The following SEC14L5 variants were observed in gnomAD, a reference collection of about 807,000 sequenced individuals.
SEC14L5 encodes SEC14 like lipid binding 5, also known as SEC14-like protein 5.
A neutral mutation model predicts 84.6 loss-of-function variants in SEC14L5; 96 were observed. That is an observed-to-expected ratio of 1.13 (90% CI 0.96 to 1.34). The LOEUF is 1.34. Ranked by LOEUF, SEC14L5 falls within the 40% of genes most tolerant of loss-of-function variation. SEC14L5 has a pLI of 0.00. For missense variants in SEC14L5, 1,224 were observed against 942.5 expected, an observed-to-expected ratio of 1.30 and a Z score of -3.91; for synonymous variants, 546 against 383.4, an observed-to-expected ratio of 1.42 and a Z score of -4.95.
intron 8 of SEC14L5, among the ~76,000 whole-genome samples, chr16:4,997,248 G>C (rs565407684): frequency 6.6e-6 from 1 of 152,228 alleles, no homozygotes; most frequent in African/African-American, 2.4e-5. Context: ...ACAGGCACCC[G>C]CCACCACAGC....
In SEC14L5 at chr16:4,987,624, A is replaced by G; in HGVS notation, c.131A>G (p.Glu44Gly). The G allele has an allele frequency of 6.4e-7, 1 of 1,558,194 alleles. No homozygotes were observed. Among genetic ancestry groups the G allele is most frequent in the Non-Finnish European group, 8.7e-7 (1 of 1,152,188 alleles). ...TTCCTGGGCAGCGAGGTCTTGCGCG[A>G]GTCCCGCAGCCCGGACGGGGCTGTG... ...PVFLGSEVLR[E>G]SRSPDGAVHV... is the part of the protein sequence containing the mutation. The change falls in exon 3 of 16, where the codon GAG becomes GGG. Residue 44 changes from glutamate (E) to glycine (G), a missense_variant. By Grantham distance (98) the Glu-to-Gly change is moderately conservative. Transcript: ENST00000251170.
At chr16:5,011,448 C>A (rs1955802799) in intron 15 of SEC14L5, among the ~76,000 whole-genome samples, 175 bp downstream of exon 15, 1 of 152,190 alleles carries the variant, frequency 6.6e-6, no homozygotes, top group Non-Finnish European at 1.5e-5. Context: ...GTGAGGAGAG[C>A]CCAGCTCTGC....
At chr16:4,992,131 C>G (rs901077371) in intron 6 of SEC14L5, 101 bp downstream of exon 6, 14 of 809,128 alleles carry the variant, frequency 1.7e-5, no homozygotes, top group African/African-American at 3.5e-5. Flanking sequence ...TGCCTGCCGT[C>G]CCCCCTGGGA....
In SEC14L5 at chr16:5,000,844, C is replaced by G; in HGVS notation, c.1060-11C>G. The G allele has an allele frequency of 6.3e-7, 1 of 1,599,088 alleles. No individual in the cohort carries two copies. The highest frequency in any genetic ancestry group is 8.5e-7 in the Non-Finnish European group (1 of 1,172,916). ...AGGCGGACGTTGAGCAGCACTGTCT[C>G]TCCCTTCCAGGTTCTCTCCGTCAAC... On this transcript the variant is annotated splice_polypyrimidine_tract_variant and intron_variant, in intron 9 of 15. Transcript: ENST00000251170.
rs2142521676 is a variant in SEC14L5 at position 5,002,714 on chromosome 16, A to T, written c.1131-688A>T. Among the ~76,000 whole-genome samples, 2 of 152,290 alleles carry T rather than the reference A, an allele frequency of 1.3e-5. 1 individual carries two copies. Among genetic ancestry groups the T allele is most frequent in the South Asian group, 4.1e-4 (2 of 4,820 alleles). On this transcript the variant is annotated intron_variant, in intron 10 of 15. Transcript: ENST00000251170. ...CGGGCACCAGCCGCTGCAGTCAAAC[A>T]GTTATTTTCCTAATGAATGAATACT...
At chr16:4,991,714 C>T (rs1955554773) in intron 5 of SEC14L5, 124 bp from the exon 6 acceptor site, 1 of 562,994 alleles carries the variant, frequency 1.8e-6, no homozygotes. Context: ...ACACATCCAG[C>T]CACTCAATAG....
intron 2 of SEC14L5, among the ~76,000 whole-genome samples, chr16:4,969,558 A>G (rs1455453617): frequency 6.6e-6 from 1 of 152,028 alleles, no homozygotes; most frequent in Non-Finnish European, 1.5e-5. Flanking sequence ...TAAGTTTTGC[A>G]TTTTTAGCAG....
At chr16:4,986,210 G>C (rs1263084183) in intron 2 of SEC14L5, among the ~76,000 whole-genome samples, 3 of 151,346 alleles carry the variant, frequency 2.0e-5, no homozygotes, top group African/African-American at 7.3e-5. Context: ...TGTGATTTCA[G>C]CTCACTGAAA....
At chr16:5,006,294 A>C (rs2302553) in intron 12 of SEC14L5, among the ~76,000 whole-genome samples, 58,851 of 152,156 alleles carry the variant, frequency 0.39, 12,298 homozygotes, top group African/African-American at 0.54. Flanking sequence ...AGTGAGTGAG[A>C]TAGAAGTTTC....
chr16:5,016,067 A>G lies in SEC14L5; in HGVS notation c.*1097A>G, dbSNP rs1027730612. On this transcript the variant is annotated 3_prime_UTR_variant, in exon 16 of 16. Transcript: ENST00000251170. ...CAAAAGCATGATCATTCATGGGTGC[A>G]TAGAACTGGCCAGTCCAGGAGGGCT... 3.3e-5 allele frequency: 5 copies of G among 152,308 alleles called. No homozygotes were observed. The highest frequency in any genetic ancestry group is 1.2e-4 in the African/African-American group (5 of 41,560). 9.4% of individuals were successfully genotyped at this position (152,308 alleles called of 1,614,324 possible). A position where few individuals can be genotyped will look rare whatever the true frequency, so the allele number is the denominator to read the frequency against.
chr16:5,005,757 G>A (rs988974876), intron 11 of SEC14L5, among the ~76,000 whole-genome samples, 157 bp from the exon 12 acceptor site: 3 of 151,314 alleles, frequency 2.0e-5, no homozygotes, highest in African/African-American at 7.3e-5. Flanking sequence ...CCAGCTACTC[G>A]GGAGGCTGAG....
At chr16:5,007,298 GC>G in intron 12 of SEC14L5, 53 bp from the exon 13 acceptor site, 1 of 1,580,970 alleles carries the variant, frequency 6.3e-7, no homozygotes, top group Non-Finnish European at 8.6e-7. Context: ...TGTGGGTCAG[GC>G]CAGCCAGGCC....
intron 2 of SEC14L5, among the ~76,000 whole-genome samples, chr16:4,960,214 C>T (rs1017936921): frequency 2.6e-5 from 4 of 152,198 alleles, no homozygotes; most frequent in African/African-American, 7.2e-5. Flanking sequence ...TGCTCAGTAA[C>T]ATGGGGACAA....
chr16:4,962,768 A>T (rs969166313), intron 2 of SEC14L5, among the ~76,000 whole-genome samples: 1 of 151,772 alleles, frequency 6.6e-6, no homozygotes, highest in Non-Finnish European at 1.5e-5. Context: ...GGACTGCCAC[A>T]ACCCTGTCAT....
rs1191901222 is a variant in SEC14L5 at position 5,000,742 on chromosome 16, A to T, written c.1058A>T (p.His353Leu). ...KAVGEEALLR[H>L]VLSVNEEGQK... is the part of the protein sequence containing the mutation. ...GTGGGGGAGGAGGCGCTGCTGCGGC[A>T]TGTGAGTCAGGGGCCTCGTTCCTGG... is the stretch of plus-strand genomic sequence containing the variant. Residue 353 changes from histidine to leucine, a missense_variant and splice_region_variant, in exon 9 of 16, where the codon CAT becomes CTT. By Grantham distance (99) the His-to-Leu change is moderately conservative. Coordinates refer to ENST00000251170, the MANE Select transcript of SEC14L5 (RefSeq NM_014692.2). 1.3e-6 allele frequency: 2 copies of T among 1,553,372 alleles called. No homozygotes were observed. Among genetic ancestry groups the T allele is most frequent in the Non-Finnish European group, 1.7e-6 (2 of 1,148,222 alleles).
chr16:4,964,478 C>T (rs1038545049), intron 2 of SEC14L5, among the ~76,000 whole-genome samples: 2 of 151,858 alleles, frequency 1.3e-5, no homozygotes, highest in East Asian at 1.9e-4. Context: ...CCCAGCTAGT[C>T]GGGAGGCTGA....
In SEC14L5 at chr16:5,011,647, C is replaced by T. The variant is rs112484018; in HGVS notation, c.1979+374C>T. ...CTAAAAGGGTGCTTTTTAGACAACC[C>T]TCCCCAAGTTGTTGCTTTCAGAGAG... On this transcript the variant is annotated intron_variant, in intron 15 of 15. Transcript: ENST00000251170. Among the ~76,000 whole-genome samples, 394 of 152,276 alleles carry T rather than the reference C, an allele frequency of 2.6e-3. 4 individuals carry two copies. The East Asian group carries it at 0.036, about 14-fold the overall frequency.
intron 2 of SEC14L5, among the ~76,000 whole-genome samples, chr16:4,967,675 C>T (rs547011898): frequency 1.4e-5 from 2 of 142,508 alleles, no homozygotes; most frequent in African/African-American, 5.2e-5. Context: ...CAGGGTCAAG[C>T]GATTCTCCCA....
intron 2 of SEC14L5, among the ~76,000 whole-genome samples, chr16:4,959,926 C>T (rs368807264): frequency 2.0e-5 from 3 of 152,168 alleles, no homozygotes; most frequent in Non-Finnish European, 2.9e-5. Context: ...GACTCTAGAA[C>T]CTCACATTTG....
Sources: gnomAD v4.1 joint callset for allele counts (sites outside exome capture counted in the v4.1 genomes callset) on GRCh38, gnomAD v4.1.1 for gene constraint, MANE v1.5 for transcripts, NCBI Gene and HGNC (gene_info 2026-07-23, HGNC 2026-07-21) for gene names.